RARS1: variants seen among roughly 807,000 people sequenced by gnomAD.
The protein encoded by RARS1 is arginine--tRNA ligase, cytoplasmic.
Under a neutral mutation model 78.7 loss-of-function variants are expected in RARS1, and 75 were observed. That is an observed-to-expected ratio of 0.95 (90% CI 0.79 to 1.15). The LOEUF (loss-of-function observed/expected upper bound fraction) is 1.15, where lower values mean the gene tolerates loss of function less well. Ranked by LOEUF, RARS1 falls within the 50% of genes most tolerant of loss-of-function variation. RARS1 has a pLI of 0.00. For synonymous variants in RARS1, 273 were observed against 268.2 expected (o/e 1.02, Z -0.18); for missense variants, 787 against 787.5 (o/e 1.00, Z 0.01).
At chr5:168,517,232 T>C (rs1010969307) in intron 13 of RARS1, among the ~76,000 whole-genome samples, 1 of 152,086 alleles carries the variant, frequency 6.6e-6, no homozygotes, top group Non-Finnish European at 1.5e-5. Flanking sequence ...AACCTCCACC[T>C]CCCGGGTTCA....
chr5:168,502,384 A>ATTTTTTT (rs759302320), intron 9 of RARS1, among the ~76,000 whole-genome samples: 2 of 127,246 alleles, frequency 1.6e-5, no homozygotes, highest in South Asian at 2.5e-4. Flanking sequence ...ATATATATAT[A>ATTTTTTT]TTTTTTTTTT....
chr5:168,494,471 T>A, intron 4 of RARS1, 79 bp from the exon 5 acceptor site: 4 of 1,570,524 alleles, frequency 2.5e-6, no homozygotes, highest in Admixed American at 3.6e-5. Flanking sequence ...GCCAGGTCAG[T>A]GTCTGGAGCA....
At position 168,506,834 on chromosome 5, in the gene RARS1, A is replaced by T; in HGVS notation, c.1346+3A>T. Reference sequence around the variant, plus strand: ...GGTGTGGTGCTAGGGGAAGACAAGTAAGTCTGGAAAATCTGAAGATGGTAA... The same window carrying T: ...GGTGTGGTGCTAGGGGAAGACAAGTTAGTCTGGAAAATCTGAAGATGGTAA... On this transcript the variant is annotated splice_donor_region_variant and intron_variant, in intron 11 of 14. Transcript: ENST00000231572. 1 of 1,589,528 alleles carries T rather than the reference A, an allele frequency of 6.3e-7. No homozygotes were observed. Among genetic ancestry groups the T allele is most frequent in the East Asian group, 2.2e-5 (1 of 44,768 alleles).
chr5:168,500,831 A>G, intron 8 of RARS1, 111 bp downstream of exon 8: 2 of 1,306,132 alleles, frequency 1.5e-6, no homozygotes, highest in South Asian at 3.2e-5. Context: ...AAGGACAGGC[A>G]AATAGATTTT....
At chr5:168,515,345 G>A (rs940544555) in intron 12 of RARS1, among the ~76,000 whole-genome samples, 1 of 152,024 alleles carries the variant, frequency 6.6e-6, no homozygotes, top group Non-Finnish European at 1.5e-5. Flanking sequence ...ACAAGAGATA[G>A]GGGTCTATGT....
chr5:168,486,507 A>T lies in RARS1; in HGVS notation c.9A>T (p.Val3=). 9 of 1,558,934 alleles carry T rather than the reference A, an allele frequency of 5.8e-6. No individual in the cohort carries two copies. The highest frequency in any genetic ancestry group is 7.8e-6 in the Non-Finnish European group (9 of 1,150,524). Residue 3 remains valine, a synonymous_variant, in exon 1 of 15, where the codon GTA becomes GTT. Transcript: ENST00000231572. MD[V]LVSECSARLL... is the part of the protein sequence containing the mutation. ...GAGACGCTGATGGGAGGATGGACGT[A>T]CTGGTGTCTGAGTGCTCCGCGCGGC...
chr5:168,489,677 A>C (rs374861401), intron 2 of RARS1, among the ~76,000 whole-genome samples: 1 of 152,106 alleles, frequency 6.6e-6, no homozygotes, highest in African/African-American at 2.4e-5. Flanking sequence ...CCTCATTCCC[A>C]TAATTATTCT....
In RARS1 at chr5:168,492,866, T is replaced by A; in HGVS notation, c.369+19T>A. ...TTCTCAGGTGATGTATTGTCATGAC[T>A]CTTGGCTGTTTGATTTTTTTAAGTA... On this transcript the variant is annotated intron_variant, in intron 3 of 14. Transcript: ENST00000231572. 6.5e-7 allele frequency: 1 copy of A among 1,535,360 alleles called. No homozygotes were observed. Among genetic ancestry groups the A allele is most frequent in the Non-Finnish European group, 8.9e-7 (1 of 1,121,838 alleles).
chr5:168,487,493 A>G (rs1474501000), intron 1 of RARS1, among the ~76,000 whole-genome samples: 2 of 152,244 alleles, frequency 1.3e-5, no homozygotes. Context: ...AGCAGTCACA[A>G]AGTACAAGTT....
intron 3 of RARS1, among the ~76,000 whole-genome samples, 191 bp from the exon 4 acceptor site, chr5:168,493,703 G>T (rs1305260475): frequency 6.6e-6 from 1 of 151,396 alleles, no homozygotes; most frequent in Non-Finnish European, 1.5e-5. Flanking sequence ...AGATCATGTA[G>T]TGTGGGCACT....
intron 2 of RARS1, among the ~76,000 whole-genome samples, chr5:168,489,859 G>C (rs1582426048): frequency 7.0e-6 from 1 of 143,122 alleles, no homozygotes; most frequent in African/African-American, 2.6e-5. Context: ...TTGTTGCTCA[G>C]GCTGGATTGC....
rs780366460 is a variant in RARS1 at position 168,494,021 on chromosome 5, C to T, written c.478+19C>T. 5 of 1,559,862 alleles carry T rather than the reference C, an allele frequency of 3.2e-6. No homozygotes were observed. The South Asian group carries it at 4.5e-5, about 14-fold the overall frequency. ...GGTCCTGGTATGACATAATGTTATC[C>T]TTCTTAATAGTTGTATTGAACATGA... On this transcript the variant is annotated intron_variant, in intron 4 of 14. Transcript: ENST00000231572.
At chr5:168,516,196 G>A (rs540854473) in intron 12 of RARS1, among the ~76,000 whole-genome samples, 1 of 151,882 alleles carries the variant, frequency 6.6e-6, no homozygotes, top group East Asian at 1.9e-4. Flanking sequence ...GTTTAACCCA[G>A]CTTTTAAATA....
rs769765515 is a variant in RARS1, at chr5:168,517,992, A to T, written c.1803A>T (p.Ile601=). 1 of 1,600,506 alleles carries T rather than the reference A, an allele frequency of 6.2e-7. No homozygotes were observed. Among genetic ancestry groups the T allele is most frequent in the Non-Finnish European group, 8.5e-7 (1 of 1,173,286 alleles). The change falls in exon 14 of 15, where the codon ATA becomes ATT. Residue 601 remains isoleucine, a synonymous_variant. Coordinates refer to ENST00000231572, the MANE Select transcript of RARS1 (RefSeq NM_002887.4). ...TTCTCCACACTCTCTGTGATTATATATATGAGCTGGCAACTGCTTTCACAG... is the reference window on the plus strand; with the variant it reads ...TTCTCCACACTCTCTGTGATTATATTTATGAGCTGGCAACTGCTTTCACAG... ...DLFLHTLCDY[I]YELATAFTEF... is the part of the protein sequence containing the mutation.
Position 168,519,161 on chromosome 5 carries a change from C to T in RARS1, c.1954C>T (p.Leu652=), listed in dbSNP as rs757133481. ...TGTCATGGCCAAGGGGTTTGATATC[C>T]TGGGAATAAAACCTGTCCAAAGGAT... ...AAVMAKGFDI[L]GIKPVQRM Residue 652 remains leucine, a synonymous_variant, in exon 15 of 15, where the codon CTG becomes TTG. Coordinates refer to ENST00000231572, the MANE Select transcript of RARS1 (RefSeq NM_002887.4). 5.0e-6 allele frequency: 8 copies of T among 1,613,802 alleles called. No individual in the cohort carries two copies. The highest frequency in any genetic ancestry group is 1.7e-5 in the Admixed American group (1 of 60,008).
intron 1 of RARS1, among the ~76,000 whole-genome samples, chr5:168,487,994 A>G (rs1164633006): frequency 6.6e-6 from 1 of 152,034 alleles, no homozygotes; most frequent in East Asian, 1.9e-4. Flanking sequence ...AAACTTAACT[A>G]CTCTTGCTAA....
At chr5:168,497,591 T>C (rs1470435796) in intron 7 of RARS1, among the ~76,000 whole-genome samples, 1 of 152,278 alleles carries the variant, frequency 6.6e-6, no homozygotes, top group East Asian at 1.9e-4. Flanking sequence ...AGCATGGCGC[T>C]AGCATCTGCT....
At chr5:168,517,005 A>T in intron 13 of RARS1, 55 bp downstream of exon 13, 4 of 1,521,534 alleles carry the variant, frequency 2.6e-6, no homozygotes, top group Non-Finnish European at 2.7e-6. Flanking sequence ...ATATTTAGTT[A>T]CTCAAAAATA....
chr5:168,509,441 C>G lies in RARS1; in HGVS notation c.1347-1140C>G, dbSNP rs1232071799. On this transcript the variant is annotated intron_variant, in intron 11 of 14. Coordinates refer to ENST00000231572, the MANE Select transcript of RARS1 (RefSeq NM_002887.4). ...ATATTTGAGGGATTTTTTAAACACC[C>G]CCCCCCCCCCACCAAAAAAAGGAAA... Among the ~76,000 whole-genome samples, 16 of 48,080 alleles carry G rather than the reference C, an allele frequency of 3.3e-4. No individual in the cohort carries two copies. The East Asian group carries it at 4.8e-3, about 15-fold the overall frequency. 31.5% of individuals were successfully genotyped at this position (48,080 alleles called of 152,430 possible). A position where few individuals can be genotyped will look rare whatever the true frequency, so the allele number is the denominator to read the frequency against.
Sources: gnomAD v4.1 joint callset for allele counts (sites outside exome capture counted in the v4.1 genomes callset) on GRCh38, gnomAD v4.1.1 for gene constraint, MANE v1.5 for transcripts, NCBI Gene and HGNC (gene_info 2026-07-23, HGNC 2026-07-21) for gene names.